CPA6: variants seen among roughly 807,000 people sequenced by gnomAD.
CPA6 encodes carboxypeptidase A6.
CPA6 carries 58 observed loss-of-function variants against 63.3 expected under a neutral mutation model. That is an observed-to-expected ratio of 0.92 (90% confidence interval 0.74 to 1.14). The LOEUF is 1.14. CPA6 is among the 50% of genes most tolerant of loss of function. The pLI is 0.00. For missense variants in CPA6, 565 were observed against 526.6 expected, an observed-to-expected ratio of 1.07 and a Z score of -0.71; for synonymous variants, 185 against 179.0, an observed-to-expected ratio of 1.03 and a Z score of -0.27.
intron 2 of CPA6, among the ~76,000 whole-genome samples, chr8:67,593,878 T>C (rs1564015234): frequency 6.7e-6 from 1 of 148,974 alleles, no homozygotes. Context: ...ATTTAGTCCA[T>C]TTACATTTAA....
At chr8:67,459,381 T>A (rs998189334) in intron 8 of CPA6, among the ~76,000 whole-genome samples, 1 of 152,156 alleles carries the variant, frequency 6.6e-6, no homozygotes, top group Admixed American at 6.5e-5. Context: ...CTTTAGTAGA[T>A]GAACAGATGA....
intron 1 of CPA6, among the ~76,000 whole-genome samples, chr8:67,731,552 T>A (rs1817705237): frequency 6.6e-6 from 1 of 152,246 alleles, no homozygotes; most frequent in South Asian, 2.1e-4. Flanking sequence ...AATGCCCCCA[T>A]TCTGAGGACT....
At chr8:67,518,086 T>C (rs1812184147) in intron 2 of CPA6, 39 bp from the exon 3 acceptor site, 1 of 1,493,242 alleles carries the variant, frequency 6.7e-7, no homozygotes, top group African/African-American at 1.4e-5. Context: ...ATATCCAACG[T>C]AGGGGGGGAA....
intron 2 of CPA6, among the ~76,000 whole-genome samples, chr8:67,588,975 G>A (rs1329691586): frequency 6.6e-6 from 1 of 151,966 alleles, no homozygotes; most frequent in Admixed American, 6.6e-5. Context: ...AAATTAGCTG[G>A]GCATGGTCGT....
At chr8:67,516,536 G>T (rs1372064453) in intron 3 of CPA6, among the ~76,000 whole-genome samples, 2 of 152,120 alleles carry the variant, frequency 1.3e-5, no homozygotes, top group Non-Finnish European at 2.9e-5. Context: ...TCTCTGCTTC[G>T]CTAATTCTAA....
At chr8:67,428,549 T>C (rs1809947432) in intron 9 of CPA6, among the ~76,000 whole-genome samples, 2 of 152,280 alleles carry the variant, frequency 1.3e-5, no homozygotes, top group South Asian at 2.1e-4. Context: ...AATGGCGCGA[T>C]CTCTGCTCAC....
chr8:67,665,696 A>C (rs1816211688), intron 1 of CPA6, among the ~76,000 whole-genome samples: 1 of 152,156 alleles, frequency 6.6e-6, no homozygotes, highest in African/African-American at 2.4e-5. Flanking sequence ...CCCATGGGAC[A>C]GCAATGATTT....
intron 2 of CPA6, among the ~76,000 whole-genome samples, chr8:67,527,350 C>T (rs928324925): frequency 6.6e-6 from 1 of 152,092 alleles, no homozygotes; most frequent in Non-Finnish European, 1.5e-5. Flanking sequence ...TTTCAGATGT[C>T]GGCTTAAGAA....
intron 6 of CPA6, among the ~76,000 whole-genome samples, chr8:67,496,555 A>ATATATATATATT (rs1199617624): frequency 5.8e-4 from 59 of 100,970 alleles, no homozygotes; most frequent in African/African-American, 1.8e-3. Flanking sequence ...ATATATATAT[A>ATATATATATATT]TATTTATTTT....
At chr8:67,618,340 C>T (rs902756976) in intron 2 of CPA6, among the ~76,000 whole-genome samples, 1 of 152,136 alleles carries the variant, frequency 6.6e-6, no homozygotes, top group Admixed American at 6.6e-5. Flanking sequence ...TTTACAAACT[C>T]CCACAATCAC....
At chr8:67,567,872 T>C (rs1813379408) in intron 2 of CPA6, among the ~76,000 whole-genome samples, 1 of 152,098 alleles carries the variant, frequency 6.6e-6, no homozygotes, top group Non-Finnish European at 1.5e-5. Flanking sequence ...CACTCTGTCC[T>C]TACCTCACGG....
chr8:67,533,751 C>T (rs1812525923), intron 2 of CPA6, among the ~76,000 whole-genome samples: 1 of 152,236 alleles, frequency 6.6e-6, no homozygotes, highest in African/African-American at 2.4e-5. Context: ...CCCTCTTCTG[C>T]TCCTTGATCT....
intron 3 of CPA6, among the ~76,000 whole-genome samples, chr8:67,512,239 T>C (rs151199662): frequency 4.3e-4 from 66 of 152,288 alleles, no homozygotes; most frequent in African/African-American, 1.5e-3. Flanking sequence ...TCCATGCCCT[T>C]ACCACTTTCT....
intron 2 of CPA6, among the ~76,000 whole-genome samples, chr8:67,608,279 TCC>T (rs979072945): frequency 1.3e-5 from 2 of 151,892 alleles, no homozygotes; most frequent in Admixed American, 1.3e-4. Flanking sequence ...GCCCACCATG[TCC>T]CCCTATCCTG....
chr8:67,663,068 T>G (rs1234961095), intron 1 of CPA6, among the ~76,000 whole-genome samples: 1 of 152,200 alleles, frequency 6.6e-6, no homozygotes, highest in Non-Finnish European at 1.5e-5. Flanking sequence ...GTCATGGCAA[T>G]TCCCTACCTA....
intron 1 of CPA6, among the ~76,000 whole-genome samples, chr8:67,712,990 A>G (rs1332934392): frequency 6.6e-6 from 1 of 151,054 alleles, no homozygotes; most frequent in Non-Finnish European, 1.5e-5. Context: ...TCATGATTAA[A>G]ATAATAAATT....
chr8:67,731,822 T>C (rs890855149), intron 1 of CPA6, among the ~76,000 whole-genome samples: 2 of 152,186 alleles, frequency 1.3e-5, no homozygotes, highest in Admixed American at 6.5e-5. Context: ...AAAGATACAC[T>C]GGAAGTTCTT....
At chr8:67,558,183 T>C (rs1468351248) in intron 2 of CPA6, among the ~76,000 whole-genome samples, 1 of 152,236 alleles carries the variant, frequency 6.6e-6, no homozygotes, top group Non-Finnish European at 1.5e-5. Flanking sequence ...GCCTGGAATG[T>C]TCTCTCTTGA....
intron 2 of CPA6, among the ~76,000 whole-genome samples, chr8:67,560,464 C>T (rs1357445872): frequency 6.6e-6 from 1 of 152,122 alleles, no homozygotes; most frequent in East Asian, 1.9e-4. Flanking sequence ...CTTTGATCTT[C>T]ACAGAGGCAC....
Sources: allele counts gnomAD v4.1 joint callset (sites outside exome capture counted in the v4.1 genomes callset), GRCh38; gene constraint gnomAD v4.1.1; transcripts MANE v1.5; gene names NCBI Gene and HGNC (gene_info 2026-07-23, HGNC 2026-07-21).